NUDT5: variants seen among roughly 807,000 people sequenced by gnomAD.
NUDT5 encodes the protein nudix hydrolase 5, also known as ADP-sugar pyrophosphatase.
In NUDT5, 21 loss-of-function variants were observed where a neutral mutation model predicts 34.1. The ratio of observed to expected loss-of-function variants is 0.62; its 90% CI spans 0.44 to 0.89. The LOEUF (loss-of-function observed/expected upper bound fraction) is 0.89, where lower values mean the gene tolerates loss of function less well. NUDT5 is among the 40% of genes least tolerant of loss of function. NUDT5 has a pLI of 0.00. For synonymous variants in NUDT5, 85 were observed against 97.6 expected (o/e 0.87, Z 0.76); for missense variants, 249 against 274.8 (o/e 0.91, Z 0.66).
intron 1 of NUDT5, among the ~76,000 whole-genome samples, chr10:12,189,832 C>A (rs1331381575): frequency 6.6e-6 from 1 of 151,924 alleles, no homozygotes; most frequent in African/African-American, 2.4e-5. Context: ...AGGTAATTTG[C>A]ATATTGCCAA....
rs763696628 is a variant in NUDT5 at position 12,186,211 on chromosome 10, G to A, written c.63+18C>T. The A allele has an allele frequency of 6.3e-7, 1 of 1,591,510 alleles. No homozygotes were observed. The highest frequency in any genetic ancestry group is 8.6e-7 in the Non-Finnish European group (1 of 1,159,444). ...ATTTATGTGGGGGAGGGAAGGGAAA[G>A]TGAAAAACAAGTTATACCTCCTCTG... is the stretch of plus-strand genomic sequence containing the variant. On this transcript the variant is annotated intron_variant, in intron 2 of 9. Transcript: ENST00000491614.
Position 12,165,457 on chromosome 10 carries a change from C to T in NUDT5, c.*2245G>A. 1 of 673,272 alleles carries T rather than the reference C, an allele frequency of 1.5e-6. No individual in the cohort carries two copies. Among genetic ancestry groups the T allele is most frequent in the Non-Finnish European group, 1.8e-6 (1 of 545,266 alleles). The allele number at this position is 673,272 out of a possible 1,614,324, so 41.7% of individuals were successfully genotyped here. ...GTTCAGTGTATTCATAAGAAGTCCA[C>T]CCTGAGATGCCTGTAAAAGTCAAAT... On this transcript the variant is annotated 3_prime_UTR_variant, in exon 10 of 10. Coordinates refer to ENST00000491614, the MANE Select transcript of NUDT5 (RefSeq NM_014142.4).
At chr10:12,172,950 G>C in intron 6 of NUDT5, 84 bp from the exon 7 acceptor site, 1 of 977,976 alleles carries the variant, frequency 1.0e-6, no homozygotes, top group South Asian at 1.4e-5. Context: ...GCGTCCCGCA[G>C]CTCAGCATTG....
rs911976637 is a variant in NUDT5 at position 12,166,456 on chromosome 10, C to T, written c.*1246G>A. The T allele has an allele frequency of 7.6e-5, 18 of 236,284 alleles. No individual in the cohort carries two copies. Among genetic ancestry groups the T allele is most frequent in the Middle Eastern group, 1.7e-3 (1 of 590 alleles). 14.6% of individuals were successfully genotyped at this position (236,284 alleles called of 1,614,324 possible). ...GCTTCATCTGTAAAGTTCTGTATTT[C>T]CATAATTGTTTTATCTTTAGGAAGT... On this transcript the variant is annotated 3_prime_UTR_variant, in exon 10 of 10. Transcript: ENST00000491614.
Position 12,181,342 on chromosome 10 carries a change from G to T in NUDT5, c.132-2210C>A, listed in dbSNP as rs1177279454. On this transcript the variant is annotated intron_variant, in intron 3 of 9. Coordinates refer to ENST00000491614, the MANE Select transcript of NUDT5 (RefSeq NM_014142.4). This position sits in a 1 kb window ranked among gnomAD's most constrained non-coding sequence, Gnocchi z 5.0. ...TCTGTGGATTTTGGTATCTGCAGGG[G>T]GTCCTGGAACCAACCCCGACAGACA... is the stretch of plus-strand genomic sequence containing the variant. Among the ~76,000 whole-genome samples, 1 of 152,110 alleles carries T rather than the reference G, an allele frequency of 6.6e-6. No individual in the cohort carries two copies. Among genetic ancestry groups the T allele is most frequent in the African/African-American group, 2.4e-5 (1 of 41,406 alleles).
chr10:12,166,636 G>A lies in NUDT5; in HGVS notation c.*1066C>T, dbSNP rs1046361142. The A allele has an allele frequency of 4.5e-5, 20 of 445,842 alleles. No individual in the cohort carries two copies. The highest frequency in any genetic ancestry group is 2.6e-4 in the South Asian group (16 of 60,738). 27.6% of individuals were successfully genotyped at this position (445,842 alleles called of 1,614,324 possible). On this transcript the variant is annotated 3_prime_UTR_variant, in exon 10 of 10. Transcript: ENST00000491614. ...ATGGTTCTCAGGGCCTGGCTTACCCGCTGGAGCCAGGCTAGAAACATGACT... is the reference window on the plus strand; with the variant it reads ...ATGGTTCTCAGGGCCTGGCTTACCCACTGGAGCCAGGCTAGAAACATGACT...
chr10:12,184,901 G>A lies in NUDT5; in HGVS notation c.119C>T (p.Thr40Ile). 6.4e-7 allele frequency: 1 copy of A among 1,565,988 alleles called. No individual in the cohort carries two copies. Among genetic ancestry groups the A allele is most frequent in the South Asian group, 1.2e-5 (1 of 85,694 alleles). ...AAAAAAAGTTTACCTAGTTTTACCAGTAGGATCCATGTACGTTGTTTTTTC... is the reference window on the plus strand; with the variant it reads ...AAAAAAAGTTTACCTAGTTTTACCAATAGGATCCATGTACGTTGTTTTTTC... ...KLEKTTYMDPTGKTRTWESVK... is the reference protein window; with the variant it reads ...KLEKTTYMDPIGKTRTWESVK... Residue 40 changes from threonine to isoleucine, a missense_variant, in exon 3 of 10, where the codon ACT becomes ATT. Physicochemically the swap from Thr to Ile is moderately conservative, Grantham distance 89. Coordinates refer to ENST00000491614, the MANE Select transcript of NUDT5 (RefSeq NM_014142.4).
Position 12,170,320 on chromosome 10 carries a change from C to T in NUDT5, c.550+397G>A, listed in dbSNP as rs1834829182. On this transcript the variant is annotated intron_variant, in intron 9 of 9. Coordinates refer to ENST00000491614, the MANE Select transcript of NUDT5 (RefSeq NM_014142.4). This position sits in a 1 kb window ranked among gnomAD's most constrained non-coding sequence, Gnocchi z 4.9. Reference sequence around the variant, plus strand: ...GGAGCATCATCAATTTCTCCTTGAACATACAGCCTCCACAAAGGACCATCC... The same window carrying T: ...GGAGCATCATCAATTTCTCCTTGAATATACAGCCTCCACAAAGGACCATCC... The T allele has an allele frequency of 3.3e-6, 3 of 914,948 alleles. No homozygotes were observed. Among genetic ancestry groups the T allele is most frequent in the Non-Finnish European group, 5.1e-6 (3 of 584,258 alleles). 56.7% of individuals were successfully genotyped at this position (914,948 alleles called of 1,614,324 possible). A position where few individuals can be genotyped will look rare whatever the true frequency, so the allele number is the denominator to read the frequency against.
At chr10:12,177,490 G>T (rs1156269120) in intron 5 of NUDT5, among the ~76,000 whole-genome samples, 1 of 152,246 alleles carries the variant, frequency 6.6e-6, no homozygotes, top group Non-Finnish European at 1.5e-5. Context: ...CTGCACTCCA[G>T]CCTGGGTGAT....
At chr10:12,194,732 C>T (rs1033030097) in intron 1 of NUDT5, among the ~76,000 whole-genome samples, 1 of 152,166 alleles carries the variant, frequency 6.6e-6, no homozygotes, top group African/African-American at 2.4e-5. Flanking sequence ...GGCCTGCAGT[C>T]GGTGGGGCTG....
Position 12,181,404 on chromosome 10 carries a change from C to T in NUDT5, c.132-2272G>A, listed in dbSNP as rs757968458. On this transcript the variant is annotated intron_variant, in intron 3 of 9. Coordinates refer to ENST00000491614, the MANE Select transcript of NUDT5 (RefSeq NM_014142.4). The surrounding 1 kb of genome is among the most constrained non-coding windows in gnomAD (Gnocchi z 5.0). ...CTGTACAGGTTGAGTATTCCTTACC[C>T]GAAACGAGGGGCCGGAAGTGTTTCA... 2.2e-4 allele frequency among the ~76,000 whole-genome samples: 33 copies of T among 152,144 alleles called. No individual in the cohort carries two copies. Among genetic ancestry groups the T allele is most frequent in the African/African-American group, 8.0e-4 (33 of 41,422 alleles).
chr10:12,187,127 A>G lies in NUDT5; in HGVS notation c.-41-795T>C, dbSNP rs189679657. On this transcript the variant is annotated intron_variant, in intron 1 of 9. Coordinates refer to ENST00000491614, the MANE Select transcript of NUDT5 (RefSeq NM_014142.4). The surrounding 1 kb of genome is among the most constrained non-coding windows in gnomAD (Gnocchi z 5.4). Reference sequence around the variant, plus strand: ...GGCTCACTGTAGCCTCTACCTCCCAAGCTCACGTGCTCCTCGCATCTCAGC... The same window carrying G: ...GGCTCACTGTAGCCTCTACCTCCCAGGCTCACGTGCTCCTCGCATCTCAGC... Among the ~76,000 whole-genome samples, 3 of 152,078 alleles carry G rather than the reference A, an allele frequency of 2.0e-5. No homozygotes were observed. The highest frequency in any genetic ancestry group is 7.2e-5 in the African/African-American group (3 of 41,488).
rs957409305 is a variant in NUDT5 at position 12,167,473 on chromosome 10, A to G, written c.*229T>C. On this transcript the variant is annotated 3_prime_UTR_variant, in exon 10 of 10. Coordinates refer to ENST00000491614, the MANE Select transcript of NUDT5 (RefSeq NM_014142.4). ...GAGCTTTAAAAAAATTGGAGTAAAC[A>G]TACTTGCATTTATATTCTTTGTTAA... 1.1e-5 allele frequency: 5 copies of G among 458,842 alleles called. No homozygotes were observed. The highest frequency in any genetic ancestry group is 3.9e-5 in the Admixed American group (1 of 25,556). 28.4% of individuals were successfully genotyped at this position (458,842 alleles called of 1,614,324 possible).
rs942699249 is a variant in NUDT5, at chr10:12,168,832, G to A, written c.551-1021C>T. The stretch of plus-strand genomic sequence containing the variant: ...GGCTGCAGTGCAGTGCCACGATCTT[G>A]GCTCACTGCAACCTGCGCCTCCCGG... On this transcript the variant is annotated intron_variant, in intron 9 of 9. Transcript: ENST00000491614. This position sits in a 1 kb window ranked among gnomAD's most constrained non-coding sequence, Gnocchi z 4.8. Among the ~76,000 whole-genome samples the A allele has an allele frequency of 6.6e-6, 1 of 151,998 alleles. No homozygotes were observed. The highest frequency in any genetic ancestry group is 1.5e-5 in the Non-Finnish European group (1 of 68,004).
intron 5 of NUDT5, among the ~76,000 whole-genome samples, chr10:12,174,617 C>A (rs530900339): frequency 6.6e-6 from 1 of 152,312 alleles, no homozygotes; most frequent in African/African-American, 2.4e-5. Flanking sequence ...GAATAAAACT[C>A]TGAGCAGATG....
At chr10:12,186,789 G>A (rs188398373) in intron 1 of NUDT5, among the ~76,000 whole-genome samples, 57 of 151,392 alleles carry the variant, frequency 3.8e-4, no homozygotes, top group African/African-American at 1.4e-3. Context: ...CACCAGGCCT[G>A]GTAATTTTTA....
At chr10:12,172,952 T>C in intron 6 of NUDT5, 86 bp from the exon 7 acceptor site, 1 of 976,276 alleles carries the variant, frequency 1.0e-6, no homozygotes. Context: ...GTCCCGCAGC[T>C]CAGCATTGAC....
rs1335704009 is a variant in NUDT5 at position 12,166,067 on chromosome 10, T to G, written c.*1635A>C. On this transcript the variant is annotated 3_prime_UTR_variant, in exon 10 of 10. Transcript: ENST00000491614. ...TTCCAAAGCACAACCTTTTCATGTT[T>G]ATAAAAAATAGAAATGGCATTTAGG... The G allele has an allele frequency of 6.6e-6, 1 of 152,244 alleles. No homozygotes were observed. The highest frequency in any genetic ancestry group is 1.5e-5 in the Non-Finnish European group (1 of 68,048). 9.4% of individuals were successfully genotyped at this position (152,244 alleles called of 1,614,324 possible).
At position 12,187,565 on chromosome 10, in the gene NUDT5, T is replaced by C. The variant is rs143879796; in HGVS notation, c.-41-1233A>G. On this transcript the variant is annotated intron_variant, in intron 1 of 9. Coordinates refer to ENST00000491614, the MANE Select transcript of NUDT5 (RefSeq NM_014142.4). The surrounding 1 kb of genome is among the most constrained non-coding windows in gnomAD (Gnocchi z 5.4). ...GTTAATTCAGCTGTATATAGAATTA[T>C]AGACCCAAAGCCAGTTGTCTATGAA... Among the ~76,000 whole-genome samples, 10 of 152,360 alleles carry C rather than the reference T, an allele frequency of 6.6e-5. No homozygotes were observed. The South Asian group carries it at 1.2e-3, about 19-fold the overall frequency.
Sources: gnomAD v4.1 joint callset for allele counts (sites outside exome capture counted in the v4.1 genomes callset) on GRCh38, gnomAD v4.1.1 for gene constraint, Gnocchi (gnomAD v3.1) non-coding constraint, MANE v1.5 for transcripts, NCBI Gene and HGNC (gene_info 2026-07-23, HGNC 2026-07-21) for gene names.